The following MALRD1 variants were observed in gnomAD, a reference collection of about 807,000 sequenced individuals.
MALRD1 encodes the protein MAM and LDL receptor class A domain containing 1.
MALRD1 carries 247 observed loss-of-function variants against 242.1 expected under a neutral mutation model. The ratio of observed to expected loss-of-function variants is 1.02; its 90% CI spans 0.92 to 1.13. The LOEUF (loss-of-function observed/expected upper bound fraction) is 1.13, where lower values mean the gene tolerates loss of function less well. Ranked by LOEUF, MALRD1 falls within the 50% of genes most tolerant of loss-of-function variation. The pLI is 0.00. For synonymous variants in MALRD1, 995 were observed against 866.6 expected (o/e 1.15, Z -2.60); for missense variants, 2,989 against 2,533.1 (o/e 1.18, Z -3.86).
At chr10:19,162,630 G>C (rs994789766) in intron 12 of MALRD1, among the ~76,000 whole-genome samples, 2 of 152,216 alleles carry the variant, frequency 1.3e-5, no homozygotes, top group East Asian at 1.9e-4. Context: ...TCTCACACCA[G>C]TCAGAATGGC....
chr10:19,282,869 T>G (rs1840885389), intron 20 of MALRD1, 150 bp from the exon 21 acceptor site: 1 of 534,106 alleles, frequency 1.9e-6, no homozygotes, highest in Non-Finnish European at 2.9e-6. Context: ...ACTCTTCCAG[T>G]GATTTTACAA....
At chr10:19,106,544 A>G (rs1360734281) in intron 5 of MALRD1, among the ~76,000 whole-genome samples, 2 of 150,328 alleles carry the variant, frequency 1.3e-5, no homozygotes. Flanking sequence ...TAATCCAGCT[A>G]TTGTTTGTCA....
intron 28 of MALRD1, among the ~76,000 whole-genome samples, chr10:19,393,852 T>A (rs1846456068): frequency 6.6e-6 from 1 of 152,026 alleles, no homozygotes; most frequent in Admixed American, 6.6e-5. Context: ...CCACAATTTG[T>A]TTTCATTGGG....
chr10:19,159,127 T>A (rs1834289255), intron 12 of MALRD1, among the ~76,000 whole-genome samples: 2 of 152,162 alleles, frequency 1.3e-5, no homozygotes, highest in African/African-American at 2.4e-5. Context: ...TATTGAAGAT[T>A]CTAACCCTCA....
intron 28 of MALRD1, among the ~76,000 whole-genome samples, chr10:19,438,001 GT>G (rs1293924789): frequency 3.9e-5 from 6 of 152,046 alleles, no homozygotes; most frequent in Admixed American, 1.3e-4. Context: ...ATATGCCTTG[GT>G]AGAAGTCCCT....
At chr10:19,396,073 G>T (rs370206257) in intron 28 of MALRD1, among the ~76,000 whole-genome samples, 10 of 150,436 alleles carry the variant, frequency 6.6e-5, no homozygotes, top group African/African-American at 2.4e-4. Context: ...CACTAGCACT[G>T]CTACTCTTGT....
At chr10:19,366,283 A>G (rs1436009307) in intron 26 of MALRD1, among the ~76,000 whole-genome samples, 1 of 151,810 alleles carries the variant, frequency 6.6e-6, no homozygotes, top group Non-Finnish European at 1.5e-5. Flanking sequence ...TTAGGTTCTC[A>G]TAAGGAGCAC....
At chr10:19,120,204 A>C (rs755049170) in intron 5 of MALRD1, among the ~76,000 whole-genome samples, 9 of 152,162 alleles carry the variant, frequency 5.9e-5, no homozygotes, top group African/African-American at 2.2e-4. Context: ...AGATGAGGGA[A>C]AACCACAAGA....
intron 36 of MALRD1, among the ~76,000 whole-genome samples, chr10:19,680,557 T>G (rs774575680): frequency 6.6e-6 from 1 of 152,168 alleles, no homozygotes; most frequent in Non-Finnish European, 1.5e-5. Flanking sequence ...ATCTCTTGAA[T>G]GCAGCACACC....
chr10:19,493,990 C>G (rs1406810421), intron 30 of MALRD1, among the ~76,000 whole-genome samples: 2 of 152,114 alleles, frequency 1.3e-5, no homozygotes, highest in Non-Finnish European at 2.9e-5. Context: ...AAATTCAAGC[C>G]TGTAAACTGC....
chr10:19,180,648 A>G (rs1181864302), intron 14 of MALRD1, among the ~76,000 whole-genome samples: 2 of 152,210 alleles, frequency 1.3e-5, no homozygotes, highest in African/African-American at 4.8e-5. Flanking sequence ...AAACTCCTTG[A>G]CATTAGAGTT....
At chr10:19,229,443 A>G (rs902598337) in intron 18 of MALRD1, among the ~76,000 whole-genome samples, 14 of 152,056 alleles carry the variant, frequency 9.2e-5, no homozygotes, top group African/African-American at 3.4e-4. Flanking sequence ...GACAGGAGAG[A>G]AGGCAATGGC....
chr10:19,689,232 C>CTGTG (rs147003604), intron 36 of MALRD1, among the ~76,000 whole-genome samples: 2 of 150,362 alleles, frequency 1.3e-5, no homozygotes, highest in Non-Finnish European at 3.0e-5. Flanking sequence ...ATAGATACCT[C>CTGTG]TGTGTGTGTG....
chr10:19,680,932 G>A (rs1217123927), intron 36 of MALRD1, among the ~76,000 whole-genome samples: 2 of 152,116 alleles, frequency 1.3e-5, no homozygotes, highest in Admixed American at 6.6e-5. Flanking sequence ...GAAATTCTGG[G>A]TTGGAAATTA....
At chr10:19,203,649 A>T in intron 14 of MALRD1, 79 bp from the exon 15 acceptor site, 1 of 1,365,324 alleles carries the variant, frequency 7.3e-7, no homozygotes, top group East Asian at 2.5e-5. Context: ...AATAAGGTGA[A>T]TTCTATTTGA....
Position 19,717,148 on chromosome 10 carries a change from G to A in MALRD1, c.6315-13558G>A, listed in dbSNP as rs990714373. Among the ~76,000 whole-genome samples the A allele has an allele frequency of 2.0e-5, 3 of 152,044 alleles. No individual in the cohort carries two copies. In the South Asian group the frequency reaches 6.2e-4, roughly 32 times the overall value. On this transcript the variant is annotated intron_variant, in intron 38 of 39. Transcript: ENST00000454679. ...TAGTGTAAAGAACCATAGTTTTTCT[G>A]TCAGTAATTCTTTCAAATACAAGTT...
At chr10:19,720,098 GTAAATTATAAGCTTGGTGTTGACTA>G (rs1485326834) in intron 38 of MALRD1, among the ~76,000 whole-genome samples, 33 of 152,144 alleles carry the variant, frequency 2.2e-4, no homozygotes, top group African/African-American at 6.3e-4. Flanking sequence ...CTGCAATGAT[GTAAATTATAAGCTTGGTGTTGACTA>G]TAAATTATAA....
intron 14 of MALRD1, among the ~76,000 whole-genome samples, chr10:19,185,890 A>G (rs1048084237): frequency 2.6e-5 from 4 of 151,280 alleles, no homozygotes; most frequent in Non-Finnish European, 4.4e-5. Context: ...TTTCTGAAAA[A>G]TGTTTCTGAG....
At chr10:19,457,463 G>T (rs1564359550) in intron 29 of MALRD1, among the ~76,000 whole-genome samples, 1 of 151,990 alleles carries the variant, frequency 6.6e-6, no homozygotes, top group East Asian at 1.9e-4. Context: ...AGCTGCCCAG[G>T]GTGGATGTAA....
Sources: allele counts gnomAD v4.1 joint callset (sites outside exome capture counted in the v4.1 genomes callset), GRCh38; gene constraint gnomAD v4.1.1; transcripts MANE v1.5; gene names NCBI Gene and HGNC (gene_info 2026-07-23, HGNC 2026-07-21).